The following GALNTL6 variants were observed in gnomAD, a reference collection of about 807,000 sequenced individuals.
GALNTL6 encodes polypeptide N-acetylgalactosaminyltransferase like 6.
Under a neutral mutation model 73.7 loss-of-function variants are expected in GALNTL6, and 46 were observed. The observed-to-expected ratio is 0.62, with a 90% CI of 0.49 to 0.80. The LOEUF is 0.80. GALNTL6 is among the 30% of genes least tolerant of loss of function. The pLI is 0.00. For missense variants in GALNTL6, 604 were observed against 755.0 expected (o/e 0.80, Z 2.34); for synonymous variants, 259 against 263.7 (o/e 0.98, Z 0.17).
chr4:172,215,826 A>G (rs1266586488), intron 2 of GALNTL6, among the ~76,000 whole-genome samples: 3 of 152,108 alleles, frequency 2.0e-5, no homozygotes, highest in African/African-American at 7.2e-5. Context: ...ACTATTTTAT[A>G]TAATTCAATT....
chr4:172,634,858 A>C (rs1454145188), intron 5 of GALNTL6, among the ~76,000 whole-genome samples: 1 of 152,216 alleles, frequency 6.6e-6, no homozygotes, highest in African/African-American at 2.4e-5. Flanking sequence ...AGGTATTTTA[A>C]TACAATGCAA....
intron 2 of GALNTL6, among the ~76,000 whole-genome samples, chr4:171,961,891 A>G (rs1249088951): frequency 6.6e-6 from 1 of 152,224 alleles, no homozygotes; most frequent in Non-Finnish European, 1.5e-5. Flanking sequence ...TAGTTTACTC[A>G]GGATAGATTT....
intron 2 of GALNTL6, among the ~76,000 whole-genome samples, chr4:172,150,175 C>T (rs941558025): frequency 6.6e-6 from 1 of 152,136 alleles, no homozygotes; most frequent in Non-Finnish European, 1.5e-5. Context: ...TTTCCTCAGT[C>T]CCCATATAAT....
chr4:171,967,945 G>A (rs758801268), intron 2 of GALNTL6, among the ~76,000 whole-genome samples: 4 of 152,160 alleles, frequency 2.6e-5, no homozygotes, highest in African/African-American at 9.6e-5. Flanking sequence ...GTCCTAGGAC[G>A]CCTGAAGCAT....
chr4:172,051,056 C>T (rs1730843942), intron 2 of GALNTL6, among the ~76,000 whole-genome samples: 1 of 152,160 alleles, frequency 6.6e-6, no homozygotes, highest in African/African-American at 2.4e-5. Flanking sequence ...TTATGATGCA[C>T]TGTCATCAAC....
intron 2 of GALNTL6, among the ~76,000 whole-genome samples, chr4:172,023,153 G>GC (rs1313342356): frequency 6.6e-6 from 1 of 151,836 alleles, no homozygotes. Flanking sequence ...TGAGTGGCTT[G>GC]CACCAATATA....
At chr4:171,994,526 G>A (rs1254195833) in intron 2 of GALNTL6, among the ~76,000 whole-genome samples, 3 of 152,012 alleles carry the variant, frequency 2.0e-5, no homozygotes, top group Non-Finnish European at 4.4e-5. Flanking sequence ...GAGGAAGGTT[G>A]GGAGGAGGAT....
intron 2 of GALNTL6, among the ~76,000 whole-genome samples, chr4:171,821,155 C>T (rs1337063407): frequency 1.3e-5 from 2 of 152,076 alleles, no homozygotes; most frequent in African/African-American, 4.8e-5. Flanking sequence ...CCTGCCTCAG[C>T]CTTCCAAGTA....
intron 5 of GALNTL6, among the ~76,000 whole-genome samples, chr4:172,481,726 G>A (rs1733487816): frequency 6.6e-6 from 1 of 152,168 alleles, no homozygotes; most frequent in South Asian, 2.1e-4. Context: ...CACGAACCCT[G>A]AGCTAGACAC....
intron 5 of GALNTL6, among the ~76,000 whole-genome samples, chr4:172,484,140 C>T (rs1733591333): frequency 1.3e-5 from 2 of 152,132 alleles, no homozygotes; most frequent in Admixed American, 6.5e-5. Flanking sequence ...TTTCATATTA[C>T]TTAGCTTAAT....
intron 2 of GALNTL6, among the ~76,000 whole-genome samples, chr4:171,946,402 C>T (rs1016116785): frequency 6.6e-6 from 1 of 152,140 alleles, no homozygotes; most frequent in African/African-American, 2.4e-5. Context: ...AGCCTTAGCA[C>T]ATATTTTTTC....
At chr4:172,601,991 A>G (rs1234553802) in intron 5 of GALNTL6, among the ~76,000 whole-genome samples, 2 of 152,146 alleles carry the variant, frequency 1.3e-5, no homozygotes, top group Non-Finnish European at 2.9e-5. Flanking sequence ...GACACTTCTT[A>G]TAAGTGGGGC....
At chr4:171,930,802 T>G (rs927196919) in intron 2 of GALNTL6, among the ~76,000 whole-genome samples, 3 of 152,154 alleles carry the variant, frequency 2.0e-5, no homozygotes, top group African/African-American at 7.2e-5. Flanking sequence ...GCCACTGCAC[T>G]CCAGCCTGGG....
chr4:172,890,639 G>A (rs892978301), intron 8 of GALNTL6, among the ~76,000 whole-genome samples: 14 of 152,188 alleles, frequency 9.2e-5, no homozygotes, highest in Middle Eastern at 3.4e-3. Flanking sequence ...TGTATGTTCC[G>A]TGTGCCAAGG....
At chr4:171,969,351 A>G (rs1394079739) in intron 2 of GALNTL6, among the ~76,000 whole-genome samples, 1 of 152,164 alleles carries the variant, frequency 6.6e-6, no homozygotes, top group Non-Finnish European at 1.5e-5. Flanking sequence ...ATAACAGCAA[A>G]TGAAATGGAT....
chr4:172,487,322 C>CTT (rs1733717383), intron 5 of GALNTL6, among the ~76,000 whole-genome samples: 2 of 111,888 alleles, frequency 1.8e-5, no homozygotes, highest in Admixed American at 9.5e-5. Flanking sequence ...TTCTTTCTTT[C>CTT]TTTCTTTCTT....
intron 5 of GALNTL6, among the ~76,000 whole-genome samples, chr4:172,380,907 C>T (rs116742925): frequency 0.016 from 2,403 of 152,130 alleles, 22 homozygotes; most frequent in Non-Finnish European, 0.025. Flanking sequence ...AAATTTTGTA[C>T]TGTGTGAAAA....
chr4:172,057,200 C>A (rs1419698576), intron 2 of GALNTL6, among the ~76,000 whole-genome samples: 1 of 151,888 alleles, frequency 6.6e-6, no homozygotes, highest in Non-Finnish European at 1.5e-5. Context: ...TTGAGCCCAG[C>A]AGTTCGAGAT....
intron 5 of GALNTL6, among the ~76,000 whole-genome samples, chr4:172,727,279 C>T (rs1408186773): frequency 6.6e-6 from 1 of 152,160 alleles, no homozygotes; most frequent in Non-Finnish European, 1.5e-5. Flanking sequence ...AATTCATCTG[C>T]AGAAAGTCAT....
Sources: allele counts gnomAD v4.1 joint callset (sites outside exome capture counted in the v4.1 genomes callset), GRCh38; gene constraint gnomAD v4.1.1; transcripts MANE v1.5; gene names NCBI Gene and HGNC (gene_info 2026-07-23, HGNC 2026-07-21).